The following ANKRD30B variants were observed in gnomAD, a reference collection of about 807,000 sequenced individuals.
The protein encoded by ANKRD30B is ankyrin repeat domain 30B, also known as ankyrin repeat domain-containing protein 30B.
Under a neutral mutation model 202.2 loss-of-function variants are expected in ANKRD30B, and 144 were observed. The observed-to-expected ratio is 0.71, with a 90% CI of 0.62 to 0.82. ANKRD30B has a LOEUF of 0.82. Ranked by LOEUF, ANKRD30B falls within the 40% of genes least tolerant of loss-of-function variation. The pLI, the probability that ANKRD30B is intolerant of heterozygous loss-of-function variation, is 0.00. For missense variants in ANKRD30B, 1,487 were observed against 1,669.1 expected (o/e 0.89, Z 1.90); for synonymous variants, 508 against 561.3 (o/e 0.91, Z 1.34).
the ANKRD30B span, among the ~76,000 whole-genome samples, chr18:14,864,258 C>T: frequency 1.3e-4 from 19 of 150,978 alleles, 1 homozygote; most frequent in South Asian, 6.5e-4. Context: ...TGGCTTGAAC[C>T]GGGGAGGTGG....
the ANKRD30B span, among the ~76,000 whole-genome samples, chr18:14,881,248 A>C: frequency 6.6e-6 from 1 of 152,190 alleles, no homozygotes; most frequent in Non-Finnish European, 1.5e-5. Context: ...TATTACATTA[A>C]GGTATGTCCC....
the ANKRD30B span, among the ~76,000 whole-genome samples, chr18:14,928,495 ATT>A: frequency 6.6e-6 from 1 of 151,964 alleles, no homozygotes; most frequent in Non-Finnish European, 1.5e-5. Flanking sequence ...AGGAGAACAC[ATT>A]TTCTCTGTCA....
chr18:14,927,250 T>TA, the ANKRD30B span, among the ~76,000 whole-genome samples: 1 of 152,196 alleles, frequency 6.6e-6, no homozygotes, highest in Admixed American at 6.5e-5. Flanking sequence ...TTTAAAATTA[T>TA]AAAAAATACC....
chr18:14,843,278 T>C (rs1290796288), intron 39 of ANKRD30B, among the ~76,000 whole-genome samples, 182 bp downstream of exon 39: 2 of 152,216 alleles, frequency 1.3e-5, no homozygotes, highest in African/African-American at 4.8e-5. Context: ...ATTAGTTTTT[T>C]TAAAAAGTAG....
chr18:14,748,647 G>C lies in ANKRD30B; in HGVS notation c.221+7G>C. On this transcript the variant is annotated splice_region_variant and intron_variant, in intron 1 of 43. Transcript: ENST00000690538. ...AAAGAGATATGAAGAAGAGGTACCA[G>C]GCCCTGCCTGAGCCGGGGCTGCAGG... 6.5e-7 allele frequency: 1 copy of C among 1,539,352 alleles called. No individual in the cohort carries two copies. The highest frequency in any genetic ancestry group is 8.8e-7 in the Non-Finnish European group (1 of 1,140,714).
In ANKRD30B at chr18:14,819,117, G is replaced by A. The variant is rs562073977; in HGVS notation, c.2642-3366G>A. Among the ~76,000 whole-genome samples, 115 of 151,458 alleles carry A rather than the reference G, an allele frequency of 7.6e-4. 1 individual carries two copies. Among genetic ancestry groups the A allele is most frequent in the African/African-American group, 2.6e-3 (109 of 41,364 alleles). On this transcript the variant is annotated intron_variant, in intron 30 of 43. Transcript: ENST00000690538. The stretch of plus-strand genomic sequence containing the variant: ...TTGCATTTCTCTGATGGCCAGTGAT[G>A]ATGAGCATTTTTTCATGTGTTTTTT...
chr18:14,840,129 G>A (rs1292792653), intron 36 of ANKRD30B, among the ~76,000 whole-genome samples: 2 of 152,022 alleles, frequency 1.3e-5, no homozygotes, highest in Admixed American at 1.3e-4. Context: ...GAAATGTTTT[G>A]GTTTTCAATA....
intron 20 of ANKRD30B, among the ~76,000 whole-genome samples, chr18:14,798,663 TTA>T (rs1969093353): frequency 6.6e-6 from 1 of 152,088 alleles, no homozygotes; most frequent in Admixed American, 6.5e-5. Flanking sequence ...GTGCGTCCAT[TTA>T]TAGGCTCTCC....
At chr18:14,931,814 T>C in the ANKRD30B span, among the ~76,000 whole-genome samples, 1 of 144,630 alleles carries the variant, frequency 6.9e-6, no homozygotes, top group African/African-American at 2.6e-5. Flanking sequence ...AGGGATGGAG[T>C]CCTGAACAGA....
At chr18:14,805,473 G>T (rs1033854597) in intron 24 of ANKRD30B, among the ~76,000 whole-genome samples, 13 of 150,532 alleles carry the variant, frequency 8.6e-5, no homozygotes, top group African/African-American at 2.9e-4. Context: ...TTACAAAAAT[G>T]TTGGATACTA....
chr18:14,768,991 AAG>A (rs2143781363), intron 7 of ANKRD30B, among the ~76,000 whole-genome samples: 1 of 152,310 alleles, frequency 6.6e-6, no homozygotes, highest in African/African-American at 2.4e-5. Context: ...ATTTCCTACC[AAG>A]AGTATACTTA....
chr18:14,796,483 T>A, intron 18 of ANKRD30B, 68 bp downstream of exon 18: 1 of 1,455,776 alleles, frequency 6.9e-7, no homozygotes, highest in Non-Finnish European at 9.2e-7. Context: ...GCCGAGAGGC[T>A]TTTATTCCCA....
chr18:14,838,778 C>T (rs938507813), intron 36 of ANKRD30B, among the ~76,000 whole-genome samples: 1 of 152,152 alleles, frequency 6.6e-6, no homozygotes, highest in African/African-American at 2.4e-5. Context: ...AATCAAATAC[C>T]AGTAACTTTG....
At chr18:14,767,578 A>G (rs2143771223) in intron 7 of ANKRD30B, among the ~76,000 whole-genome samples, 1 of 152,256 alleles carries the variant, frequency 6.6e-6, no homozygotes. Flanking sequence ...AGGAGTTGTC[A>G]TGTGGTGTTA....
chr18:14,915,050 G>A, the ANKRD30B span, among the ~76,000 whole-genome samples: 5 of 152,178 alleles, frequency 3.3e-5, no homozygotes, highest in Admixed American at 1.3e-4. Context: ...ATGAGCCTAC[G>A]AAGTAAATAG....
At chr18:14,883,337 C>T in the ANKRD30B span, among the ~76,000 whole-genome samples, 1 of 147,058 alleles carries the variant, frequency 6.8e-6, no homozygotes, top group Non-Finnish European at 1.5e-5. Flanking sequence ...CTCTCTCTGT[C>T]TCTCTCTCTC....
At chr18:14,897,988 A>G in the ANKRD30B span, among the ~76,000 whole-genome samples, 1 of 152,138 alleles carries the variant, frequency 6.6e-6, no homozygotes, top group African/African-American at 2.4e-5. Flanking sequence ...GGCTCACTTC[A>G]CACTTCTTCT....
Position 14,852,375 on chromosome 18 carries a change from A to T in ANKRD30B, c.4431A>T (p.Leu1477Phe), listed in dbSNP as rs1407419439. 3.9e-6 allele frequency: 6 copies of T among 1,540,106 alleles called. No individual in the cohort carries two copies. In the Middle Eastern group the frequency reaches 5.1e-4, roughly 130 times the overall value. The change falls in exon 42 of 44, where the codon TTA (leucine) becomes TTT (phenylalanine). Residue 1477 changes from leucine to phenylalanine, a missense_variant. By Grantham distance (22) the Leu-to-Phe change is conservative (BLOSUM62 0). Coordinates refer to ENST00000690538, the MANE Select transcript of ANKRD30B (RefSeq NM_001367607.2). ...AGGTATTCAATTATGGTAACCATTT[A>T]AAAGAACGTATAGATCAATATGAAA... ...NEEVFNYGNHLKERIDQYEKE... is the reference protein window; with the variant it reads ...NEEVFNYGNHFKERIDQYEKE...
intron 34 of ANKRD30B, among the ~76,000 whole-genome samples, chr18:14,836,425 A>T (rs1392022605): frequency 1.3e-5 from 2 of 151,744 alleles, no homozygotes; most frequent in Non-Finnish European, 2.9e-5. Context: ...TCTCCATGTC[A>T]CCCATCCAGT....
Sources: allele counts gnomAD v4.1 joint callset (sites outside exome capture counted in the v4.1 genomes callset), GRCh38; gene constraint gnomAD v4.1.1; transcripts MANE v1.5; gene names NCBI Gene and HGNC (gene_info 2026-07-23, HGNC 2026-07-21).